RAP1GDS1: variants seen among roughly 807,000 people sequenced by gnomAD.
RAP1GDS1 encodes RAP1, GTP-GDP dissociation stimulator 1.
RAP1GDS1 carries 35 observed loss-of-function variants against 71.1 expected under a neutral mutation model. The observed-to-expected ratio is 0.49, with a 90% CI of 0.38 to 0.65. The LOEUF is 0.65. Ranked by LOEUF, RAP1GDS1 falls within the 30% of genes least tolerant of loss-of-function variation. RAP1GDS1 has a pLI of 0.00. For missense variants in RAP1GDS1, 663 were observed against 706.1 expected, an observed-to-expected ratio of 0.94 and a Z score of 0.69; for synonymous variants, 229 against 243.1, an observed-to-expected ratio of 0.94 and a Z score of 0.54.
rs1553997211 is a variant in RAP1GDS1 at position 98,400,541 on chromosome 4, A to AAAC, written c.638-3934_638-3933insCAA. On this transcript the variant is annotated intron_variant, in intron 6 of 14. Transcript: ENST00000408927. ...ATTTTATAGAAGTAAAAAAAAAAAA[A>AAAC]AAAAAACGGATACTAGAGGTTGGGA... 8.1e-3 allele frequency among the ~76,000 whole-genome samples: 1,222 copies of AAAC among 151,686 alleles called. 56 individuals carry two copies. The highest frequency in any genetic ancestry group is 0.075 in the Admixed American group (1,134 of 15,154).
chr4:98,345,947 T>C (rs1736180720), intron 3 of RAP1GDS1, among the ~76,000 whole-genome samples: 4 of 152,136 alleles, frequency 2.6e-5, no homozygotes, highest in Admixed American at 6.5e-5. Flanking sequence ...CCAGCAAAAG[T>C]TGAACTGCTT....
intron 3 of RAP1GDS1, among the ~76,000 whole-genome samples, chr4:98,348,282 A>G (rs1447295432): frequency 2.0e-5 from 3 of 152,160 alleles, no homozygotes; most frequent in African/African-American, 4.8e-5. Flanking sequence ...ATGTCCCTAC[A>G]AAGGACATGA....
intron 2 of RAP1GDS1, among the ~76,000 whole-genome samples, chr4:98,299,479 G>C (rs1728261331): frequency 6.6e-6 from 1 of 152,188 alleles, no homozygotes; most frequent in African/African-American, 2.4e-5. Flanking sequence ...ACCAGTGGAT[G>C]AAGTAACTGT....
chr4:98,439,249 T>A (rs1448934012), intron 14 of RAP1GDS1, among the ~76,000 whole-genome samples: 1 of 152,226 alleles, frequency 6.6e-6, no homozygotes, highest in Non-Finnish European at 1.5e-5. Context: ...ATTGTGCCAC[T>A]TTTTTCTAGC....
chr4:98,372,797 A>G (rs1740588151), intron 4 of RAP1GDS1, among the ~76,000 whole-genome samples: 1 of 152,046 alleles, frequency 6.6e-6, no homozygotes. Flanking sequence ...TGATTCTCTT[A>G]CCGCAGCCTC....
At chr4:98,320,308 G>C (rs973487941) in intron 2 of RAP1GDS1, among the ~76,000 whole-genome samples, 19 of 152,120 alleles carry the variant, frequency 1.2e-4, no homozygotes, top group Non-Finnish European at 1.9e-4. Flanking sequence ...GTGGCCTAAA[G>C]TATGTTTCTC....
intron 5 of RAP1GDS1, among the ~76,000 whole-genome samples, chr4:98,391,414 A>T (rs887635381): frequency 2.6e-5 from 4 of 152,134 alleles, no homozygotes; most frequent in African/African-American, 9.7e-5. Context: ...CCTAGCAGTC[A>T]TCAAGAACAC....
At chr4:98,325,223 TATC>T (rs2110351588) in intron 2 of RAP1GDS1, among the ~76,000 whole-genome samples, 1 of 151,610 alleles carries the variant, frequency 6.6e-6, no homozygotes, top group Non-Finnish European at 1.5e-5. Flanking sequence ...CACTATGAGA[TATC>T]ATCTCACACC....
intron 2 of RAP1GDS1, among the ~76,000 whole-genome samples, chr4:98,326,009 C>G (rs1733013375): frequency 6.6e-6 from 1 of 151,850 alleles, no homozygotes; most frequent in African/African-American, 2.4e-5. Context: ...ATTAGTACTC[C>G]TGATGTCTTA....
intron 2 of RAP1GDS1, among the ~76,000 whole-genome samples, chr4:98,325,501 A>C (rs1236928245): frequency 1.3e-5 from 2 of 151,864 alleles, no homozygotes; most frequent in Non-Finnish European, 2.9e-5. Context: ...TATTCACAAT[A>C]GCAAAGACTT....
At chr4:98,325,842 C>T (rs1732973877) in intron 2 of RAP1GDS1, among the ~76,000 whole-genome samples, 1 of 150,184 alleles carries the variant, frequency 6.7e-6, no homozygotes, top group Non-Finnish European at 1.5e-5. Flanking sequence ...TTAGTGGGTG[C>T]AGCGCACCAG....
chr4:98,421,358 A>T lies in RAP1GDS1; in HGVS notation c.1404A>T (p.Arg468Ser), dbSNP rs1333368407. Reference protein sequence around the residue: ...DHAGVMGESNRLLSALIRHSK... With the variant: ...DHAGVMGESNSLLSALIRHSK... ...CTGGTGTGATGGGGGAGTCAAACAG[A>T]CTGCTGTCTGCCCTTATACGACACA... is the stretch of plus-strand genomic sequence containing the variant. The change falls in exon 12 of 15, where the codon AGA becomes AGT. Residue 468 changes from arginine to serine, a missense_variant. Transcript: ENST00000408927. 3 of 1,609,076 alleles carry T rather than the reference A, an allele frequency of 1.9e-6. No homozygotes were observed.
At chr4:98,386,802 C>T (rs922501543) in intron 5 of RAP1GDS1, among the ~76,000 whole-genome samples, 5 of 151,994 alleles carry the variant, frequency 3.3e-5, no homozygotes, top group Non-Finnish European at 7.4e-5. Flanking sequence ...CACTAATCAT[C>T]CTCTTGGTAG....
intron 14 of RAP1GDS1, chr4:98,441,643 T>C (rs962728691): frequency 4.1e-6 from 4 of 976,066 alleles, no homozygotes; most frequent in Non-Finnish European, 4.9e-6. Flanking sequence ...GGCTCATGAC[T>C]GTCATCCCAG....
At chr4:98,422,540 C>T (rs1416418010) in intron 12 of RAP1GDS1, among the ~76,000 whole-genome samples, 3 of 152,068 alleles carry the variant, frequency 2.0e-5, no homozygotes, top group Admixed American at 6.5e-5. Context: ...CTAAGGTGAC[C>T]CTTTCAGTCA....
intron 11 of RAP1GDS1, among the ~76,000 whole-genome samples, chr4:98,420,535 G>A (rs1027801197): frequency 1.3e-5 from 2 of 151,860 alleles, no homozygotes; most frequent in African/African-American, 4.8e-5. Flanking sequence ...CTGGCTAATT[G>A]TTTTGGAATT....
chr4:98,316,920 C>T (rs1332805519), intron 2 of RAP1GDS1, among the ~76,000 whole-genome samples: 1 of 152,056 alleles, frequency 6.6e-6, no homozygotes, highest in African/African-American at 2.4e-5. Context: ...GGGGGAAATT[C>T]CAGTGTAAGG....
At chr4:98,331,462 G>T (rs551175282) in intron 2 of RAP1GDS1, among the ~76,000 whole-genome samples, 2 of 152,192 alleles carry the variant, frequency 1.3e-5, no homozygotes, top group South Asian at 4.2e-4. Context: ...AGTGGCTATG[G>T]TTAAAAATCC....
intron 7 of RAP1GDS1, among the ~76,000 whole-genome samples, chr4:98,408,104 A>AT (rs56998297): frequency 0.036 from 4,988 of 137,358 alleles, 103 homozygotes; most frequent in African/African-American, 0.044. Flanking sequence ...ATATATATAT[A>AT]TTTTTTTTTT....
Sources: allele counts gnomAD v4.1 joint callset (sites outside exome capture counted in the v4.1 genomes callset), GRCh38; gene constraint gnomAD v4.1.1; transcripts MANE v1.5; gene names NCBI Gene and HGNC (gene_info 2026-07-23, HGNC 2026-07-21).